The following ITFG1 variants were observed in gnomAD, a reference collection of about 807,000 sequenced individuals.
ITFG1 encodes the protein T-cell immunomodulatory protein.
A neutral mutation model predicts 81.8 loss-of-function variants in ITFG1; 34 were observed. The observed-to-expected ratio is 0.42, with a 90% CI of 0.32 to 0.55. The LOEUF is 0.55. Ranked by LOEUF, ITFG1 falls within the 20% of genes least tolerant of loss-of-function variation. ITFG1 has a pLI of 0.17. For synonymous variants in ITFG1, 285 were observed against 270.6 expected, an observed-to-expected ratio of 1.05 and a Z score of -0.52; for missense variants, 672 against 755.4, an observed-to-expected ratio of 0.89 and a Z score of 1.29.
At position 47,311,351 on chromosome 16, in the gene ITFG1, A is replaced by G. The variant is rs200022868; in HGVS notation, c.959T>C (p.Val320Ala). Residue 320 changes from valine (V) to alanine (A), a missense_variant, in exon 10 of 18, where the codon GTG becomes GCG. Physicochemically the swap from Val to Ala is moderately conservative, Grantham distance 64 (BLOSUM62 0). Coordinates refer to ENST00000320640, the MANE Select transcript of ITFG1 (RefSeq NM_030790.5). ...KGTLWGFVPF[V>A]DEQQPTEIPI... ...TATTTCAGTTGGTTGCTGTTCATCC[A>G]CAAATGGCACAAAGCCCCAGAGTGT... is the stretch of plus-strand genomic sequence containing the variant. The G allele has an allele frequency of 3.4e-4, 555 of 1,613,852 alleles. No homozygotes were observed. Among genetic ancestry groups the G allele is most frequent in the Non-Finnish European group, 4.6e-4 (541 of 1,179,848 alleles).
At chr16:47,285,231 G>C (rs749717377) in intron 10 of ITFG1, among the ~76,000 whole-genome samples, 1 of 152,086 alleles carries the variant, frequency 6.6e-6, no homozygotes, top group Non-Finnish European at 1.5e-5. Context: ...GAAGAATGCT[G>C]ATGCAATGAA....
intron 6 of ITFG1, among the ~76,000 whole-genome samples, chr16:47,406,200 A>G (rs1263326407): frequency 1.3e-5 from 2 of 152,230 alleles, no homozygotes; most frequent in African/African-American, 4.8e-5. Context: ...AGCGATTTAT[A>G]TGATAACCTT....
At chr16:47,307,109 A>AC in intron 10 of ITFG1, among the ~76,000 whole-genome samples, 1 of 147,900 alleles carries the variant, frequency 6.8e-6, no homozygotes, top group Non-Finnish European at 1.5e-5. Flanking sequence ...AAAAAAAAAA[A>AC]AAAAAAAAAA....
intron 6 of ITFG1, among the ~76,000 whole-genome samples, chr16:47,414,289 A>C (rs910471800): frequency 6.6e-6 from 1 of 151,438 alleles, no homozygotes; most frequent in African/African-American, 2.4e-5. Context: ...TCTGGGAGGC[A>C]CAAGTGGGCA....
At chr16:47,368,623 G>A (rs1968210376) in intron 7 of ITFG1, among the ~76,000 whole-genome samples, 1 of 135,862 alleles carries the variant, frequency 7.4e-6, no homozygotes, top group South Asian at 2.7e-4. Context: ...TGGATAGAAT[G>A]TTTCATGAAT....
At chr16:47,399,709 A>T (rs1968636687) in intron 6 of ITFG1, among the ~76,000 whole-genome samples, 1 of 152,208 alleles carries the variant, frequency 6.6e-6, no homozygotes. Context: ...GGTCCCCTAC[A>T]ATGAGTGAAG....
chr16:47,182,501 C>A (rs1195086258), intron 14 of ITFG1, among the ~76,000 whole-genome samples: 1 of 152,112 alleles, frequency 6.6e-6, no homozygotes, highest in East Asian at 1.9e-4. Context: ...CCCCCTTGAG[C>A]CTTAGTTTGT....
chr16:47,415,891 C>T (rs901758277), intron 6 of ITFG1, among the ~76,000 whole-genome samples: 8 of 152,044 alleles, frequency 5.3e-5, no homozygotes, highest in African/African-American at 9.7e-5. Context: ...GTTGGGAGTT[C>T]GAGCCCAGCT....
chr16:47,254,052 C>T (rs1461510622), intron 12 of ITFG1, among the ~76,000 whole-genome samples: 1 of 151,984 alleles, frequency 6.6e-6, no homozygotes, highest in Non-Finnish European at 1.5e-5. Flanking sequence ...CACATTTTGA[C>T]TTGAGTTTTC....
intron 8 of ITFG1, among the ~76,000 whole-genome samples, chr16:47,358,511 C>T (rs1255247081): frequency 6.6e-6 from 1 of 152,138 alleles, no homozygotes; most frequent in Non-Finnish European, 1.5e-5. Flanking sequence ...AGGATGTCTC[C>T]TACTGAAACC....
At chr16:47,205,537 A>G (rs1320095886) in intron 14 of ITFG1, among the ~76,000 whole-genome samples, 2 of 152,192 alleles carry the variant, frequency 1.3e-5, no homozygotes, top group African/African-American at 4.8e-5. Flanking sequence ...AGAGGAGAAA[A>G]GGATCATTTT....
At chr16:47,235,336 T>C (rs1965861457) in intron 13 of ITFG1, among the ~76,000 whole-genome samples, 1 of 152,138 alleles carries the variant, frequency 6.6e-6, no homozygotes, top group Non-Finnish European at 1.5e-5. Flanking sequence ...ACTGGGCTGA[T>C]ACAGGTCAAG....
chr16:47,416,395 C>T (rs755082466), intron 6 of ITFG1, among the ~76,000 whole-genome samples: 1 of 152,066 alleles, frequency 6.6e-6, no homozygotes, highest in Non-Finnish European at 1.5e-5. Flanking sequence ...TCATACATTA[C>T]TTGTTTTTTC....
chr16:47,365,697 C>A, intron 8 of ITFG1, 91 bp downstream of exon 8: 1 of 749,556 alleles, frequency 1.3e-6, no homozygotes. Context: ...GGAGTTATTT[C>A]CTGCTATGGG....
chr16:47,394,445 T>TA (rs1968569736), intron 6 of ITFG1, among the ~76,000 whole-genome samples: 1 of 152,218 alleles, frequency 6.6e-6, no homozygotes, highest in South Asian at 2.1e-4. Flanking sequence ...TTTCACTTTT[T>TA]AAAGCTTTTT....
At chr16:47,393,101 C>T (rs1166710478) in intron 6 of ITFG1, among the ~76,000 whole-genome samples, 1 of 152,102 alleles carries the variant, frequency 6.6e-6, no homozygotes, top group Non-Finnish European at 1.5e-5. Context: ...GGAGGAGAAA[C>T]AAATATTAAG....
rs1245606466 is a variant in ITFG1 at position 47,200,484 on chromosome 16, G to T, written c.1453+18384C>A. Among the ~76,000 whole-genome samples the T allele has an allele frequency of 3.3e-5, 5 of 152,076 alleles. 1 individual carries two copies. The highest frequency in any genetic ancestry group is 1.2e-4 in the African/African-American group (5 of 41,400). The stretch of plus-strand genomic sequence containing the variant: ...ACAATGATTAGTAACAACAACAGAA[G>T]TTTATTTCCTACATTATATTTTTAG... On this transcript the variant is annotated intron_variant, in intron 14 of 17. Coordinates refer to ENST00000320640, the MANE Select transcript of ITFG1 (RefSeq NM_030790.5).
At chr16:47,323,050 G>A (rs559357994) in intron 8 of ITFG1, among the ~76,000 whole-genome samples, 2 of 152,076 alleles carry the variant, frequency 1.3e-5, no homozygotes, top group South Asian at 2.1e-4. Context: ...CTTATCTAGT[G>A]ATGCTTTTCT....
At position 47,460,837 on chromosome 16, in the gene ITFG1, CT is replaced by C; in HGVS notation, c.208del (p.Arg70GlufsTer4). On this transcript the variant is annotated frameshift_variant and splice_region_variant, in exon 1 of 18. Transcript: ENST00000320640. LOFTEE classifies it high-confidence loss of function. The part of the protein sequence containing the change: ...KQTDLFVLRE[R>X]NDLIVFLADQ... ...AGAGGGAGGGCCCGGCAAGCACTGA[CT>C]TTCCCGCAGCACGAAGAGATCCGTC... 1 of 1,613,240 alleles carries C rather than the reference CT, an allele frequency of 6.2e-7. No individual in the cohort carries two copies. Among genetic ancestry groups the C allele is most frequent in the Non-Finnish European group, 8.5e-7 (1 of 1,179,862 alleles).
Sources: allele counts gnomAD v4.1 joint callset (sites outside exome capture counted in the v4.1 genomes callset), GRCh38; gene constraint gnomAD v4.1.1; transcripts MANE v1.5; gene names NCBI Gene and HGNC (gene_info 2026-07-23, HGNC 2026-07-21).